MED23: variants seen among roughly 807,000 people sequenced by gnomAD.
MED23 encodes the protein mediator complex subunit 23, also known as mediator of RNA polymerase II transcription subunit 23.
Under a neutral mutation model 163.9 loss-of-function variants are expected in MED23, and 105 were observed. That is an observed-to-expected ratio of 0.64 (90% CI 0.55 to 0.75). MED23 has a LOEUF of 0.75. Ranked by LOEUF, MED23 falls within the 30% of genes least tolerant of loss-of-function variation. MED23 has a pLI of 0.00. For synonymous variants in MED23, 561 were observed against 565.6 expected, an observed-to-expected ratio of 0.99 and a Z score of 0.12; for missense variants, 1,054 against 1,649.0, an observed-to-expected ratio of 0.64 and a Z score of 6.25.
Position 131,623,419 on chromosome 6 carries a change from C to T in MED23, c.328G>A (p.Glu110Lys). ...SLINSDTLEW[E>K]RTQLWALTFK... ...GTTAAGGCCCAAAGCTGTGTTCTTT[C>T]CCACTCAAGAGTGTCAGAGTTTATC... Residue 110 changes from glutamate to lysine, a missense_variant, in exon 5 of 29, where the codon GAA (glutamate) becomes AAA (lysine). By Grantham distance (56) the Glu-to-Lys change is moderately conservative (BLOSUM62 1). Around this residue, in one of 11 missense-constraint regions of MED23, gnomAD observed 227 missense variants for 235.5 expected, o/e 0.96. Coordinates refer to ENST00000368068, the MANE Select transcript of MED23 (RefSeq NM_004830.4). The T allele has an allele frequency of 6.2e-7, 1 of 1,614,132 alleles. No homozygotes were observed.
downstream of MED23, chr6:131,583,871 A>G (rs1403109925): frequency 2.5e-6 from 4 of 1,614,040 alleles, no homozygotes; most frequent in Admixed American, 5.0e-5. Flanking sequence ...CGGGAGGGTA[A>G]TCACAAGCCT....
downstream of MED23, chr6:131,586,690 A>G: frequency 7.5e-7 from 1 of 1,333,860 alleles, no homozygotes; most frequent in Non-Finnish European, 9.8e-7. Flanking sequence ...GACCCCAGCC[A>G]GCACACCACC....
At position 131,623,368 on chromosome 6, in the gene MED23, C is replaced by T; in HGVS notation, c.379G>A (p.Gly127Arg). ...AAATATACCTTGTAATCCACTCCCC[C>T]AATTATTTTCCGAACCAGTTTAAAT... ...LTFKLVRKII[G>R]GVDYKGVRDL... The change falls in exon 5 of 29, where the codon GGG becomes AGG. Residue 127 changes from glycine to arginine, a missense_variant. By Grantham distance (125) the Gly-to-Arg change is moderately radical (BLOSUM62 -2). This residue lies in a region of MED23 where 227 missense variants were observed against 235.5 expected (regional missense o/e 0.96). Coordinates refer to ENST00000368068, the MANE Select transcript of MED23 (RefSeq NM_004830.4). 1 of 1,613,460 alleles carries T rather than the reference C, an allele frequency of 6.2e-7. No homozygotes were observed. The highest frequency in any genetic ancestry group is 8.5e-7 in the Non-Finnish European group (1 of 1,179,444).
Position 131,623,465 on chromosome 6 carries a change from A to ATTTT in MED23, c.285-4_285-3insAAAA. The ATTTT allele has an allele frequency of 6.2e-7, 1 of 1,612,500 alleles. No homozygotes were observed. Among genetic ancestry groups the ATTTT allele is most frequent in the South Asian group, 1.1e-5 (1 of 91,050 alleles). The stretch of plus-strand genomic sequence containing the variant: ...TTATCAGGGATTCACAAACCAGCCT[A>ATTTT]TAAAAAAAGAAATAGCCATTCCAGT... On this transcript the variant is annotated splice_region_variant and splice_polypyrimidine_tract_variant and intron_variant, in intron 4 of 28. Transcript: ENST00000368068.
intron 9 of MED23, among the ~76,000 whole-genome samples, chr6:131,617,305 A>G (rs1339311655): frequency 6.6e-6 from 1 of 151,114 alleles, no homozygotes; most frequent in Non-Finnish European, 1.5e-5. Context: ...CTATTTGCAT[A>G]ATGTTAGCTG....
intron 14 of MED23, among the ~76,000 whole-genome samples, chr6:131,604,681 T>C (rs1328169477): frequency 2.0e-5 from 3 of 152,248 alleles, no homozygotes; most frequent in Admixed American, 6.5e-5. Context: ...AAATCACTGC[T>C]AAGACCCAAA....
rs970198762 is a variant in MED23 at position 131,593,011 on chromosome 6, T to A, written c.3393A>T (p.Leu1131=). 2.2e-5 allele frequency: 35 copies of A among 1,614,144 alleles called. No individual in the cohort carries two copies. Among genetic ancestry groups the A allele is most frequent in the Non-Finnish European group, 3.0e-5 (35 of 1,180,014 alleles). ...GCATGAACCAGAATACATACCTTTTTAGGACAACATTTAGAAGGGCATTCC... is the reference window on the plus strand; with the variant it reads ...GCATGAACCAGAATACATACCTTTTAAGGACAACATTTAGAAGGGCATTCC... ...EVGNALLNVV[L]KSQPLVPREN... is the part of the protein sequence containing the mutation. The change falls in exon 24 of 29, where the codon CTA becomes CTT. Residue 1131 remains leucine (L), a synonymous_variant. Transcript: ENST00000368068.
intron 30 of MED23, chr6:131,581,212 C>A: frequency 4.3e-6 from 7 of 1,613,702 alleles, no homozygotes; most frequent in Non-Finnish European, 5.9e-6. Context: ...AATTTTTTCC[C>A]CAAAAGTTTG....
chr6:131,579,425 T>C (rs1773802811), intron 30 of MED23: 12 of 916,374 alleles, frequency 1.3e-5, no homozygotes, highest in Non-Finnish European at 1.8e-5. Flanking sequence ...TAAAAAAATT[T>C]TATAGGTTAC....
chr6:131,585,487 A>C (rs539667674), downstream of MED23, among the ~76,000 whole-genome samples: 1 of 152,344 alleles, frequency 6.6e-6, no homozygotes, highest in Non-Finnish European at 1.5e-5. Context: ...AGATGGGAGC[A>C]ATTATAATGG....
intron 17 of MED23, 93 bp downstream of exon 17, chr6:131,602,125 T>C: frequency 7.2e-7 from 1 of 1,395,914 alleles, no homozygotes; most frequent in Non-Finnish European, 1.0e-6. Flanking sequence ...AAATGAAAAG[T>C]ATCTTTTTAG....
intron 14 of MED23, among the ~76,000 whole-genome samples, 190 bp from the exon 15 acceptor site, chr6:131,604,510 T>C (rs111402195): frequency 1.6e-4 from 25 of 152,240 alleles, no homozygotes; most frequent in African/African-American, 5.5e-4. Context: ...CTCATTCCGT[T>C]TCTGTGGCGC....
Position 131,628,181 on chromosome 6 carries a change from A to G in MED23, c.-132T>C, listed in dbSNP as rs1348688836. On this transcript the variant is annotated 5_prime_UTR_variant, in exon 1 of 29. Transcript: ENST00000368068. ...GCTCCTCGGCGTCGCTTCCTCCCCC[A>G]GCGCTTTACCTGGAGCGTTCCCTCC... The G allele has an allele frequency of 9.4e-7, 1 of 1,059,074 alleles. No individual in the cohort carries two copies. Among genetic ancestry groups the G allele is most frequent in the Non-Finnish European group, 1.4e-6 (1 of 694,278 alleles). 65.6% of individuals were successfully genotyped at this position (1,059,074 alleles called of 1,614,324 possible).
chr6:131,587,628 C>G lies in MED23; in HGVS notation c.*51G>C. The G allele has an allele frequency of 2.5e-6, 4 of 1,612,878 alleles. No individual in the cohort carries two copies. Among genetic ancestry groups the G allele is most frequent in the Non-Finnish European group, 2.5e-6 (3 of 1,179,462 alleles). On this transcript the variant is annotated 3_prime_UTR_variant, in exon 29 of 29. Coordinates refer to ENST00000368068, the MANE Select transcript of MED23 (RefSeq NM_004830.4). The stretch of plus-strand genomic sequence containing the variant: ...GCATTCAGATTTAAAAGGTTTGAGT[C>G]CACTCTCAAAGACGGATATATTTCT...
downstream of MED23, chr6:131,584,136 C>T (rs1256353263): frequency 9.2e-6 from 5 of 541,630 alleles, no homozygotes; most frequent in East Asian, 1.7e-4. Flanking sequence ...AAGACTTATC[C>T]TTAGAAAGAG....
intron 28 of MED23, among the ~76,000 whole-genome samples, chr6:131,588,088 T>C (rs900246392): frequency 6.6e-6 from 1 of 152,206 alleles, no homozygotes; most frequent in African/African-American, 2.4e-5. Flanking sequence ...TGTCTGTACA[T>C]GTACCATATG....
Position 131,581,273 on chromosome 6 carries a change from C to T in MED23, c.4095+6436G>A, listed in dbSNP as rs779219793. Reference sequence around the variant, plus strand: ...CCAGGGTCCACCCTGATCTTGGAGTCATCTGGGTGGATGCTCACACTGATA... The same window carrying T: ...CCAGGGTCCACCCTGATCTTGGAGTTATCTGGGTGGATGCTCACACTGATA... On this transcript the variant is annotated intron_variant, in intron 30 of 30. Coordinates refer to the MED23 transcript ENST00000354577. 5.0e-6 allele frequency: 8 copies of T among 1,613,880 alleles called. No individual in the cohort carries two copies. In the South Asian group the frequency reaches 8.8e-5, roughly 18 times the overall value.
chr6:131,583,267 A>G, downstream of MED23: 1 of 1,606,078 alleles, frequency 6.2e-7, no homozygotes, highest in South Asian at 1.1e-5. Context: ...ATGGGTTGCT[A>G]CTTTTTATAA....
downstream of MED23, among the ~76,000 whole-genome samples, chr6:131,584,581 C>T (rs1021417947): frequency 6.6e-6 from 1 of 152,088 alleles, no homozygotes; most frequent in African/African-American, 2.4e-5. Flanking sequence ...GGGCAATCTA[C>T]AAGTTCATTG....
Sources: gnomAD v4.1 joint callset for allele counts (sites outside exome capture counted in the v4.1 genomes callset) on GRCh38, gnomAD v4.1.1 for gene constraint, gnomAD v4.1.1 regional missense constraint, MANE v1.5 for transcripts, NCBI Gene and HGNC (gene_info 2026-07-23, HGNC 2026-07-21) for gene names.